HTR2C: variants seen among roughly 807,000 people sequenced by gnomAD.
HTR2C encodes the protein 5-hydroxytryptamine (serotonin) receptor 2C, G protein-coupled.
HTR2C carries 5 observed loss-of-function variants against 21.0 expected under a neutral mutation model. The observed-to-expected ratio is 0.24, with a 90% CI of 0.12 to 0.50. The LOEUF (loss-of-function observed/expected upper bound fraction) is 0.50. Among genes scored for constraint, HTR2C ranks in the 20% least tolerant of loss-of-function variants. The pLI is 0.98. For missense variants in HTR2C, 271 were observed against 371.2 expected (o/e 0.73, Z 2.22); for synonymous variants, 150 against 145.3 (o/e 1.03, Z -0.23).
chrX:114,644,271 G>C (rs1452920063), intron 2 of HTR2C, among the ~76,000 whole-genome samples: 1 of 101,488 alleles, frequency 9.9e-6, no homozygotes, highest in African/African-American at 3.6e-5. Flanking sequence ...GCTTGAGCTG[G>C]GGAGGTGGAG....
intron 2 of HTR2C, among the ~76,000 whole-genome samples, chrX:114,646,287 T>C (rs1221253748): frequency 8.9e-6 from 1 of 111,879 alleles, no homozygotes; most frequent in East Asian, 2.8e-4. Flanking sequence ...TTTTAGTGCA[T>C]ACCACAGATC....
chrX:114,776,152 T>G (rs1473441887), intron 4 of HTR2C: 8 of 534,381 alleles, frequency 1.5e-5, no homozygotes, highest in Non-Finnish European at 2.7e-5. Flanking sequence ...TAATGAGGAT[T>G]GACACATCAA....
In HTR2C at chrX:114,775,690, G is replaced by T. The variant is rs782507548; in HGVS notation, c.349+44083G>T. 44 of 612,001 alleles carry T rather than the reference G, an allele frequency of 7.2e-5. No individual in the cohort carries two copies. In the African/African-American group the frequency reaches 9.0e-4, roughly 13 times the overall value. 50.4% of individuals were successfully genotyped at this position (612,001 alleles called of 1,213,427 possible). ...CACCATAAGCAACAGCTTCATCAAG[G>T]TTGATGCTCTTATTCAGTTCTTTTC... On this transcript the variant is annotated intron_variant, in intron 4 of 5. Transcript: ENST00000276198.
intron 5 of HTR2C, among the ~76,000 whole-genome samples, chrX:114,866,382 A>G (rs1477163767): frequency 4.6e-5 from 5 of 108,635 alleles, no homozygotes; most frequent in African/African-American, 1.7e-4. Context: ...TATATATTTA[A>G]TTTTTTTAGG....
chrX:114,636,939 C>A (rs1365948071), intron 2 of HTR2C, among the ~76,000 whole-genome samples: 3 of 111,971 alleles, frequency 2.7e-5, no homozygotes, highest in Admixed American at 1.9e-4. Flanking sequence ...ACGTTGTAAA[C>A]GTTGTTACCA....
At chrX:114,689,035 C>T (rs1243654234) in intron 2 of HTR2C, among the ~76,000 whole-genome samples, 1 of 107,696 alleles carries the variant, frequency 9.3e-6, no homozygotes, top group Non-Finnish European at 1.9e-5. Flanking sequence ...ATCCTTATGA[C>T]TTTTGCATCC....
In HTR2C at chrX:114,906,986, T is replaced by C; in HGVS notation, c.948T>C (p.Val316=). 8.3e-7 allele frequency: 1 copy of C among 1,211,156 alleles called. No individual in the cohort carries two copies. Among genetic ancestry groups the C allele is most frequent in the Non-Finnish European group, 1.1e-6 (1 of 895,250 alleles). ...AAGCTTCGAAAGTCCTTGGGATTGT[T>C]TTCTTTGTGTTTCTGATCATGTGGT... ...ERKASKVLGI[V]FFVFLIMWCP... is the part of the protein sequence containing the mutation. Residue 316 remains valine, a synonymous_variant, in exon 6 of 6, where the codon GTT becomes GTC. Coordinates refer to ENST00000276198, the MANE Select transcript of HTR2C (RefSeq NM_000868.4).
chrX:114,644,186 T>C (rs1556406966), intron 2 of HTR2C, among the ~76,000 whole-genome samples: 1 of 104,547 alleles, frequency 9.6e-6, no homozygotes, highest in African/African-American at 3.5e-5. Context: ...CTACTAAAAA[T>C]ACAAACAAAA....
rs192099441 is a variant in HTR2C at position 114,665,781 on chromosome X, G to T, written c.-80+51900G>T. On this transcript the variant is annotated intron_variant, in intron 2 of 5. Transcript: ENST00000276198. ...AGGAGTTGGTCTCGCTGTCTCAGGG[G>T]TGGCAGAGGTAGAAACAGTGGAGGA... Among the ~76,000 whole-genome samples the T allele has an allele frequency of 1.4e-4, 16 of 111,285 alleles. No individual in the cohort carries two copies. In the Admixed American group the frequency reaches 1.4e-3, roughly 10 times the overall value.
chrX:114,695,150 A>C (rs782546676), intron 2 of HTR2C, among the ~76,000 whole-genome samples: 1 of 112,418 alleles, frequency 8.9e-6, no homozygotes, highest in Non-Finnish European at 1.9e-5. Context: ...GTATGCTTTT[A>C]AGAACAATAA....
At chrX:114,847,330 C>T (rs953997600) in intron 4 of HTR2C, among the ~76,000 whole-genome samples, 1 of 101,182 alleles carries the variant, frequency 9.9e-6, no homozygotes, top group Non-Finnish European at 2.0e-5. Context: ...AGTAAACTAT[C>T]GCAAGGACAA....
At chrX:114,770,082 A>T (rs1339496413) in intron 4 of HTR2C, among the ~76,000 whole-genome samples, 1 of 111,435 alleles carries the variant, frequency 9.0e-6, no homozygotes. Flanking sequence ...TCAACTGTTA[A>T]TCTTATTTGG....
At chrX:114,862,793 A>G (rs2071016542) in intron 5 of HTR2C, among the ~76,000 whole-genome samples, 1 of 110,931 alleles carries the variant, frequency 9.0e-6, no homozygotes, top group South Asian at 3.7e-4. Context: ...AGCTATTTTA[A>G]AATATACAAT....
intron 2 of HTR2C, among the ~76,000 whole-genome samples, chrX:114,644,496 G>T (rs782593417): frequency 4.1e-5 from 4 of 98,466 alleles, no homozygotes; most frequent in East Asian, 6.5e-4. Context: ...AGCCTCGGAG[G>T]TTCACATCAT....
intron 4 of HTR2C, among the ~76,000 whole-genome samples, chrX:114,778,714 TA>T (rs11370877): frequency 4.6e-5 from 5 of 109,665 alleles, no homozygotes; most frequent in African/African-American, 1.0e-4. Context: ...ATTTTTCATG[TA>T]AAAAAAAAGT....
At chrX:114,882,691 A>T (rs189788262) in intron 5 of HTR2C, among the ~76,000 whole-genome samples, 37 of 110,636 alleles carry the variant, frequency 3.3e-4, no homozygotes, top group African/African-American at 1.0e-3. Flanking sequence ...AGCCCACATG[A>T]TCATGGTGCA....
At chrX:114,791,737 T>C (rs2070234652) in intron 4 of HTR2C, among the ~76,000 whole-genome samples, 1 of 110,958 alleles carries the variant, frequency 9.0e-6, no homozygotes, top group Non-Finnish European at 1.9e-5. Flanking sequence ...ATTGAAATCT[T>C]GTAGAGAACC....
chrX:114,676,448 TA>T (rs34943177), intron 2 of HTR2C, among the ~76,000 whole-genome samples: 14,493 of 105,979 alleles, frequency 0.14, 797 homozygotes, highest in South Asian at 0.31. Flanking sequence ...CTTTCTGAGG[TA>T]AAAAAAAAAG....
chrX:114,905,151 T>A (rs2071362372), intron 5 of HTR2C, among the ~76,000 whole-genome samples: 1 of 111,079 alleles, frequency 9.0e-6, no homozygotes, highest in South Asian at 3.8e-4. Flanking sequence ...TCTTGAATGG[T>A]GTGCCTAGGT....
Sources: allele counts gnomAD v4.1 joint callset (sites outside exome capture counted in the v4.1 genomes callset), GRCh38; gene constraint gnomAD v4.1.1; transcripts MANE v1.5; gene names NCBI Gene and HGNC (gene_info 2026-07-23, HGNC 2026-07-21).